The following MTFR2 variants were observed in gnomAD, a reference collection of about 807,000 sequenced individuals.
The protein encoded by MTFR2 is mitochondrial fission regulator 2, also known as DUF729 domain-containing protein 1.
In MTFR2, 44 loss-of-function variants were observed where a neutral mutation model predicts 41.2. The observed-to-expected ratio is 1.07, with a 90% CI of 0.84 to 1.37. MTFR2 has a LOEUF of 1.37. Ranked by LOEUF, MTFR2 falls within the 40% of genes most tolerant of loss-of-function variation. The pLI, the probability that MTFR2 is intolerant of heterozygous loss-of-function variation, is 0.00. For synonymous variants in MTFR2, 141 were observed against 154.6 expected (o/e 0.91, Z 0.65); for missense variants, 452 against 459.5 (o/e 0.98, Z 0.15).
In MTFR2 at chr6:136,249,028, G is replaced by C. The variant is rs1395335842; in HGVS notation, c.63+9C>G. ...CAACAGATCCATTCCAATCCAAAACGACATTTACCTGTTCTACAGGAACGC... is the reference window on the plus strand; with the variant it reads ...CAACAGATCCATTCCAATCCAAAACCACATTTACCTGTTCTACAGGAACGC... On this transcript the variant is annotated intron_variant, in intron 2 of 7. Transcript: ENST00000420702. The C allele has an allele frequency of 1.3e-6, 2 of 1,596,200 alleles. No homozygotes were observed. The highest frequency in any genetic ancestry group is 1.7e-6 in the Non-Finnish European group (2 of 1,173,794).
rs548176168 is a variant in MTFR2, at chr6:136,242,079, CAAA to C, written c.282-406_282-404del. Among the ~76,000 whole-genome samples the C allele has an allele frequency of 8.6e-4, 15 of 17,504 alleles. No individual in the cohort carries two copies. The South Asian group carries it at 0.015, about 18-fold the overall frequency. The allele number at this position is 17,504 out of a possible 152,430, so 11.5% of individuals were successfully genotyped here. On this transcript the variant is annotated intron_variant, in intron 4 of 7. Coordinates refer to ENST00000420702, the MANE Select transcript of MTFR2 (RefSeq NM_001099286.3). Reference sequence around the variant, plus strand: ...TGGTCGACAGAGTAAGACTCTGTCTCAAAAAAAAAAAAAAAAAAAAAAAAAAAA... The same window carrying C: ...TGGTCGACAGAGTAAGACTCTGTCTCAAAAAAAAAAAAAAAAAAAAAAAAA...
intron 5 of MTFR2, among the ~76,000 whole-genome samples, chr6:136,240,674 A>G (rs915107682): frequency 6.6e-6 from 1 of 152,176 alleles, no homozygotes; most frequent in East Asian, 1.9e-4. Flanking sequence ...ACTCACCTCA[A>G]CTTGGTGGAA....
chr6:136,242,155 C>CAAG (rs1780098091), intron 4 of MTFR2, among the ~76,000 whole-genome samples: 1 of 145,302 alleles, frequency 6.9e-6, no homozygotes, highest in South Asian at 2.2e-4. Context: ...CCACTGAGGA[C>CAAG]AAGGAAAATA....
At chr6:136,242,365 T>C (rs1472426717) in intron 4 of MTFR2, among the ~76,000 whole-genome samples, 1 of 152,188 alleles carries the variant, frequency 6.6e-6, no homozygotes, top group African/African-American at 2.4e-5. Context: ...ATAAAGAGCC[T>C]TACATTCAGG....
intron 5 of MTFR2, among the ~76,000 whole-genome samples, chr6:136,240,942 T>C (rs866292557): frequency 9.2e-5 from 14 of 152,156 alleles, no homozygotes; most frequent in African/African-American, 3.4e-4. Context: ...ATACAAAAAA[T>C]TAGCCGAGCG....
chr6:136,236,068 T>C (rs948179584), intron 6 of MTFR2, among the ~76,000 whole-genome samples: 1 of 152,178 alleles, frequency 6.6e-6, no homozygotes, highest in Non-Finnish European at 1.5e-5. Context: ...CAGTTTTCAA[T>C]GGAGTTTTCA....
chr6:136,239,852 G>A (rs376706416), intron 5 of MTFR2, 32 bp from the exon 6 acceptor site: 1 of 1,533,978 alleles, frequency 6.5e-7, no homozygotes, highest in Non-Finnish European at 8.8e-7. Context: ...ACAAAATCAT[G>A]CACAATTATC....
At chr6:136,234,440 A>C (rs1304937356) in intron 6 of MTFR2, among the ~76,000 whole-genome samples, 1 of 152,148 alleles carries the variant, frequency 6.6e-6, no homozygotes, top group Non-Finnish European at 1.5e-5. Context: ...GAAAATGACA[A>C]GGGGTCAGTT....
chr6:136,238,474 T>C (rs1779963496), intron 6 of MTFR2, among the ~76,000 whole-genome samples: 1 of 151,700 alleles, frequency 6.6e-6, no homozygotes, highest in Admixed American at 6.6e-5. Context: ...AAAAATAAAG[T>C]AATCAAACTA....
chr6:136,249,777 A>T (rs1780315524), intron 1 of MTFR2, among the ~76,000 whole-genome samples, 199 bp downstream of exon 1: 1 of 152,108 alleles, frequency 6.6e-6, no homozygotes, highest in South Asian at 2.1e-4. Flanking sequence ...TGCCTTCAGC[A>T]ATGATTGTGA....
intron 3 of MTFR2, 87 bp from the exon 4 acceptor site, chr6:136,243,060 T>C (rs1317335999): frequency 1.3e-6 from 1 of 759,040 alleles, no homozygotes; most frequent in East Asian, 2.9e-5. Flanking sequence ...TAGTTAACAA[T>C]CCAAAAGAAA....
chr6:136,240,861 G>GCA (rs1562210729), intron 5 of MTFR2, among the ~76,000 whole-genome samples: 3 of 152,188 alleles, frequency 2.0e-5, no homozygotes, highest in Non-Finnish European at 2.9e-5. Flanking sequence ...GGAGGCCAAG[G>GCA]CGGGCAGATC....
At chr6:136,237,275 T>C (rs186350660) in intron 6 of MTFR2, among the ~76,000 whole-genome samples, 9 of 152,288 alleles carry the variant, frequency 5.9e-5, no homozygotes, top group East Asian at 3.9e-4. Context: ...ACAAAGAACA[T>C]GCGATCAGCT....
In MTFR2 at chr6:136,231,209, TTTCTAAGAATAATTTA is replaced by T; in HGVS notation, c.*50_*65del. On this transcript the variant is annotated 3_prime_UTR_variant, in exon 8 of 8. Transcript: ENST00000420702. The stretch of plus-strand genomic sequence containing the variant: ...TTTAGCCTTTAACAGTCCAAATCAG[TTTCTAAGAATAATTTA>T]TCATCCAGGAAGAAGTTTTGGAAGT... 1 of 1,075,286 alleles carries T rather than the reference TTTCTAAGAATAATTTA, an allele frequency of 9.3e-7. No individual in the cohort carries two copies. The highest frequency in any genetic ancestry group is 2.1e-5 in the Admixed American group (1 of 47,516). 66.6% of individuals were successfully genotyped at this position (1,075,286 alleles called of 1,614,324 possible).
chr6:136,240,863 G>C (rs7752988), intron 5 of MTFR2, among the ~76,000 whole-genome samples: 2 of 140,020 alleles, frequency 1.4e-5, no homozygotes, highest in South Asian at 2.1e-4. Flanking sequence ...AGGCCAAGGC[G>C]GGCAGATCAC....
Position 136,231,134 on chromosome 6 carries a change from T to C in MTFR2, c.*141A>G, listed in dbSNP as rs772273824. On this transcript the variant is annotated 3_prime_UTR_variant, in exon 8 of 8. Transcript: ENST00000420702. ...AAAATGACAGGCATACATATTTACATAGCAAGTGTAGGCAAAATGTGTCAA... is the reference window on the plus strand; with the variant it reads ...AAAATGACAGGCATACATATTTACACAGCAAGTGTAGGCAAAATGTGTCAA... 1.3e-4 allele frequency: 75 copies of C among 588,160 alleles called. No individual in the cohort carries two copies. The highest frequency in any genetic ancestry group is 1.9e-4 in the Non-Finnish European group (64 of 332,456). The allele number at this position is 588,160 out of a possible 1,614,324, so 36.4% of individuals were successfully genotyped here. A position where few individuals can be genotyped will look rare whatever the true frequency, so the allele number is the denominator to read the frequency against.
chr6:136,243,690 C>A (rs116789568), intron 3 of MTFR2, among the ~76,000 whole-genome samples: 1,828 of 150,532 alleles, frequency 0.012, 32 homozygotes, highest in African/African-American at 0.043. Context: ...TTCGTTCAGC[C>A]TGGGCGACAG....
At chr6:136,233,611 A>C (rs2128456774) in intron 6 of MTFR2, 112 bp from the exon 7 acceptor site, 1 of 803,480 alleles carries the variant, frequency 1.2e-6, no homozygotes, top group African/African-American at 1.8e-5. Flanking sequence ...TTAGTCTTCA[A>C]GAGATTGAAA....
rs1381362845 is a variant in MTFR2 at position 136,239,597 on chromosome 6, C to T, written c.738G>A (p.Met246Ile). The change falls in exon 6 of 8, where the codon ATG becomes ATA. Residue 246 changes from methionine to isoleucine, a missense_variant. By Grantham distance (10) the Met-to-Ile change is conservative. Transcript: ENST00000420702. ...TATTAGCAGCCGGGTTCTGTTTGCT[C>T]ATTTCAGTTGCTGGATTATCTGAGT... Reference protein sequence around the residue: ...ICDSDNPATEMSKQNPAANKT... With the variant: ...ICDSDNPATEISKQNPAANKT... The T allele has an allele frequency of 6.2e-7, 1 of 1,614,074 alleles. No homozygotes were observed. Among genetic ancestry groups the T allele is most frequent in the East Asian group, 2.2e-5 (1 of 44,880 alleles).
Sources: gnomAD v4.1 joint callset for allele counts (sites outside exome capture counted in the v4.1 genomes callset) on GRCh38, gnomAD v4.1.1 for gene constraint, MANE v1.5 for transcripts, NCBI Gene and HGNC (gene_info 2026-07-23, HGNC 2026-07-21) for gene names.